CADM2: variants seen among roughly 807,000 people sequenced by gnomAD.
CADM2 encodes cell adhesion molecule 2.
A neutral mutation model predicts 49.8 loss-of-function variants in CADM2; 12 were observed. The ratio of observed to expected loss-of-function variants is 0.24; its 90% CI spans 0.15 to 0.39. The LOEUF (loss-of-function observed/expected upper bound fraction) is 0.39. Among genes scored for constraint, CADM2 ranks in the 10% least tolerant of loss-of-function variants. CADM2 has a pLI of 1.00. For missense variants in CADM2, 378 were observed against 492.3 expected, an observed-to-expected ratio of 0.77 and a Z score of 2.20; for synonymous variants, 214 against 175.4, an observed-to-expected ratio of 1.22 and a Z score of -1.74.
chr3:85,110,429 T>G (rs1050452910), intron 1 of CADM2, among the ~76,000 whole-genome samples: 5 of 151,830 alleles, frequency 3.3e-5, no homozygotes, highest in Non-Finnish European at 7.4e-5. Context: ...AGGCCCTTTA[T>G]GATTGTCCCT....
intron 1 of CADM2, among the ~76,000 whole-genome samples, chr3:85,169,234 T>A (rs1333259250): frequency 1.3e-5 from 2 of 152,150 alleles, no homozygotes; most frequent in East Asian, 3.9e-4. Flanking sequence ...ACTCAAGTGA[T>A]CCACTCACCT....
intron 1 of CADM2, among the ~76,000 whole-genome samples, chr3:84,980,879 A>G (rs2032134290): frequency 6.6e-6 from 1 of 152,192 alleles, no homozygotes; most frequent in East Asian, 1.9e-4. Context: ...GAGCAGAAAC[A>G]AAATTGTTAG....
At chr3:85,767,436 T>C (rs1260415774) in intron 2 of CADM2, among the ~76,000 whole-genome samples, 4 of 152,214 alleles carry the variant, frequency 2.6e-5, no homozygotes. Flanking sequence ...TTCTCTATTA[T>C]ATGCAACCTT....
intron 1 of CADM2, among the ~76,000 whole-genome samples, chr3:84,961,949 A>G (rs1300864966): frequency 6.6e-6 from 1 of 151,670 alleles, no homozygotes; most frequent in African/African-American, 2.4e-5. Context: ...AGGAGGATTT[A>G]CTCTTTCTCT....
chr3:85,400,777 G>A (rs868709348), intron 1 of CADM2, among the ~76,000 whole-genome samples: 8 of 152,056 alleles, frequency 5.3e-5, no homozygotes, highest in African/African-American at 1.9e-4. Flanking sequence ...TCAGGGACAA[G>A]ACGCAGGCGG....
chr3:85,289,422 A>G (rs2043719101), intron 1 of CADM2, among the ~76,000 whole-genome samples: 1 of 152,190 alleles, frequency 6.6e-6, no homozygotes, highest in Non-Finnish European at 1.5e-5. Flanking sequence ...ACTGAATGAT[A>G]TTTGAGTCTA....
intron 1 of CADM2, among the ~76,000 whole-genome samples, chr3:85,387,293 A>G (rs1166675001): frequency 1.3e-5 from 2 of 152,214 alleles, no homozygotes; most frequent in Non-Finnish European, 2.9e-5. Flanking sequence ...TTTTAAATAG[A>G]TAATTTAGAA....
intron 2 of CADM2, among the ~76,000 whole-genome samples, chr3:85,752,469 C>T (rs541502686): frequency 1.5e-4 from 15 of 100,362 alleles, no homozygotes; most frequent in Non-Finnish European, 2.3e-4. Context: ...CATATGTGTG[C>T]GTGCACACAC....
At chr3:85,563,142 G>A (rs896377274) in intron 1 of CADM2, among the ~76,000 whole-genome samples, 14 of 152,094 alleles carry the variant, frequency 9.2e-5, no homozygotes, top group Admixed American at 2.0e-4. Context: ...GAAAATGAAC[G>A]TAATCAATTA....
At chr3:85,133,766 C>T (rs910621195) in intron 1 of CADM2, among the ~76,000 whole-genome samples, 10 of 152,252 alleles carry the variant, frequency 6.6e-5, no homozygotes, top group Non-Finnish European at 1.0e-4. Flanking sequence ...TTCTCCACGT[C>T]CCCTCCAGAC....
intron 8 of CADM2, among the ~76,000 whole-genome samples, chr3:86,024,353 G>C (rs1337756566): frequency 6.6e-6 from 1 of 152,046 alleles, no homozygotes; most frequent in Non-Finnish European, 1.5e-5. Context: ...TTCTCACTTA[G>C]AGCACAAGTA....
chr3:86,026,562 A>G (rs77069694), intron 8 of CADM2, among the ~76,000 whole-genome samples: 4,906 of 152,196 alleles, frequency 0.032, 155 homozygotes, highest in African/African-American at 0.077. Flanking sequence ...TTTACTGGTC[A>G]TACTATGCTT....
intron 1 of CADM2, among the ~76,000 whole-genome samples, chr3:85,534,666 G>A (rs2061388193): frequency 6.6e-6 from 1 of 152,136 alleles, no homozygotes; most frequent in Admixed American, 6.6e-5. Context: ...GACATCTGCT[G>A]GCCCCATATC....
At chr3:85,815,756 C>A (rs969683726) in intron 3 of CADM2, among the ~76,000 whole-genome samples, 1 of 151,982 alleles carries the variant, frequency 6.6e-6, no homozygotes, top group African/African-American at 2.4e-5. Flanking sequence ...GACAATGAGG[C>A]AAGAGAAAGA....
intron 1 of CADM2, among the ~76,000 whole-genome samples, chr3:85,145,141 T>A (rs2039700055): frequency 6.6e-6 from 1 of 152,212 alleles, no homozygotes. Flanking sequence ...CTTTAACACA[T>A]CCTATGTTTT....
intron 1 of CADM2, among the ~76,000 whole-genome samples, chr3:84,962,303 G>A (rs2030613884): frequency 6.6e-6 from 1 of 151,250 alleles, no homozygotes; most frequent in African/African-American, 2.4e-5. Flanking sequence ...AAAGAGGAGG[G>A]GGCACAAAGC....
intron 1 of CADM2, among the ~76,000 whole-genome samples, chr3:85,682,515 G>A (rs775383410): frequency 1.4e-4 from 21 of 152,038 alleles, no homozygotes; most frequent in Non-Finnish European, 2.4e-4. Flanking sequence ...TCAGTGGTAC[G>A]TGAAGGTGTT....
chr3:85,004,813 T>C (rs1055618592), intron 1 of CADM2, among the ~76,000 whole-genome samples: 2 of 152,190 alleles, frequency 1.3e-5, no homozygotes, highest in Non-Finnish European at 2.9e-5. Context: ...ATAGTGTTCA[T>C]GGATTTTAAG....
At chr3:85,776,051 G>T (rs954191695) in intron 2 of CADM2, among the ~76,000 whole-genome samples, 8 of 151,604 alleles carry the variant, frequency 5.3e-5, no homozygotes, top group Non-Finnish European at 1.2e-4. Context: ...AAAAATATCT[G>T]TGAATTTCTC....
Sources: gnomAD v4.1 joint callset for allele counts (sites outside exome capture counted in the v4.1 genomes callset) on GRCh38, gnomAD v4.1.1 for gene constraint, MANE v1.5 for transcripts, NCBI Gene and HGNC (gene_info 2026-07-23, HGNC 2026-07-21) for gene names.